Variants in CCDC40 observed in about 807,000 individuals in gnomAD.
CCDC40 encodes coiled-coil domain 40 molecular ruler complex subunit.
Under a neutral mutation model 124.5 loss-of-function variants are expected in CCDC40, and 104 were observed. The ratio of observed to expected loss-of-function variants is 0.84; its 90% CI spans 0.71 to 0.98. The LOEUF (loss-of-function observed/expected upper bound fraction) is 0.98. Ranked by LOEUF, CCDC40 falls within the 50% of genes least tolerant of loss-of-function variation. The pLI, the probability that CCDC40 is intolerant of heterozygous loss-of-function variation, is 0.00. For synonymous variants in CCDC40, 580 were observed against 602.9 expected (o/e 0.96, Z 0.56); for missense variants, 1,463 against 1,503.9 (o/e 0.97, Z 0.45).
chr17:80,056,016 A>T (rs61600199), intron 7 of CCDC40, among the ~76,000 whole-genome samples: 8,564 of 10,410 alleles, frequency 0.82, 3,619 homozygotes, highest in Non-Finnish European at 0.84. Context: ...ATATATATAT[A>T]TTTTTTTTTT....
chr17:80,091,755 A>G (rs974175133), intron 17 of CCDC40, among the ~76,000 whole-genome samples: 2 of 151,670 alleles, frequency 1.3e-5, no homozygotes, highest in Non-Finnish European at 2.9e-5. Context: ...TTATAATCAC[A>G]TCCTTCCTTA....
chr17:80,058,669 C>T lies in CCDC40; in HGVS notation c.1317+18C>T. 6.2e-7 allele frequency: 1 copy of T among 1,613,896 alleles called. No individual in the cohort carries two copies. On this transcript the variant is annotated intron_variant, in intron 8 of 19. Coordinates refer to ENST00000397545, the MANE Select transcript of CCDC40 (RefSeq NM_017950.4). The surrounding 1 kb of genome is among the most constrained non-coding windows in gnomAD (Gnocchi z 4.2). ...AAAAGCAGGTATTCTGCAAACTCGACACATGTTTAATGATCACCAGACCGT... is the reference window on the plus strand; with the variant it reads ...AAAAGCAGGTATTCTGCAAACTCGATACATGTTTAATGATCACCAGACCGT...
chr17:80,062,992 C>T (rs1003947011), intron 9 of CCDC40, among the ~76,000 whole-genome samples: 8 of 152,016 alleles, frequency 5.3e-5, no homozygotes, highest in Non-Finnish European at 7.4e-5. Flanking sequence ...GTCAGGAGTT[C>T]GAGACCAGCC....
In CCDC40 at chr17:80,066,320, C is replaced by T. The variant is rs1387298323; in HGVS notation, c.1562+714C>T. 1.4e-5 allele frequency: 8 copies of T among 583,288 alleles called. No homozygotes were observed. Among genetic ancestry groups the T allele is most frequent in the South Asian group, 2.1e-5 (1 of 47,972 alleles). 36.1% of individuals were successfully genotyped at this position (583,288 alleles called of 1,614,324 possible). ...AGGGTCTGGCTGGCCCCACAGCACC[C>T]GCAGCCAGGCAGCCAGCAGCAGTCA... On this transcript the variant is annotated intron_variant, in intron 10 of 19. Coordinates refer to ENST00000397545, the MANE Select transcript of CCDC40 (RefSeq NM_017950.4). The surrounding 1 kb of genome is among the most constrained non-coding windows in gnomAD (Gnocchi z 4.4).
At chr17:80,051,817 A>C (rs2037606050) in intron 7 of CCDC40, among the ~76,000 whole-genome samples, 1 of 152,232 alleles carries the variant, frequency 6.6e-6, no homozygotes. Flanking sequence ...CCACACCTGC[A>C]GTGAGGCTGG....
chr17:80,092,470 GTCTC>G (rs1230675513), intron 17 of CCDC40, among the ~76,000 whole-genome samples: 1 of 152,176 alleles, frequency 6.6e-6, no homozygotes, highest in African/African-American at 2.4e-5. Context: ...ACAGCCACCA[GTCTC>G]TCTCCATGCC....
chr17:80,038,097 C>T (rs1568665578), intron 1 of CCDC40, 26 bp from the exon 2 acceptor site: 1 of 1,535,598 alleles, frequency 6.5e-7, no homozygotes, highest in Non-Finnish European at 9.0e-7. Context: ...TTGCTTGAAA[C>T]TGTTCAATTG....
At chr17:80,097,689 G>T in intron 19 of CCDC40, 1 of 449,460 alleles carries the variant, frequency 2.2e-6, no homozygotes, top group Non-Finnish European at 4.1e-6. Flanking sequence ...GCTCTTAGAG[G>T]TTACCTCCTG....
At chr17:80,075,201 A>G (rs190041927) in intron 10 of CCDC40, among the ~76,000 whole-genome samples, 193 of 147,386 alleles carry the variant, frequency 1.3e-3, no homozygotes, top group African/African-American at 4.9e-3. Flanking sequence ...CTGGGATTAC[A>G]GGCATGAGCC....
chr17:80,038,144 G>A lies in CCDC40; in HGVS notation c.51G>A (p.Ser17=), dbSNP rs141650385. ...AAGRSHPEDG[S]ASEGEKEGNN... ...CCAGGTCCCATCCGGAAGATGGATC[G>A]GCTTCTGAGGGAGAGAAGGAAGGGA... Residue 17 remains serine, a synonymous_variant, in exon 2 of 20, where the codon TCG becomes TCA. Transcript: ENST00000397545. The A allele has an allele frequency of 1.4e-4, 218 of 1,611,100 alleles. No individual in the cohort carries two copies. The African/African-American group carries it at 2.3e-3, about 17-fold the overall frequency.
At chr17:80,083,883 G>A (rs2038516623) in intron 12 of CCDC40, among the ~76,000 whole-genome samples, 1 of 152,196 alleles carries the variant, frequency 6.6e-6, no homozygotes. Context: ...ATAGAGTACA[G>A]CACAGCCATT....
intron 17 of CCDC40, among the ~76,000 whole-genome samples, chr17:80,091,443 C>A (rs2038721649): frequency 6.6e-6 from 1 of 152,030 alleles, no homozygotes; most frequent in South Asian, 2.1e-4. Context: ...AATCTGCAGA[C>A]CCAGGAGAGC....
chr17:80,065,575 G>A lies in CCDC40; in HGVS notation c.1531G>A (p.Glu511Lys), dbSNP rs59978698. ...CCTGGTGGGCATGAAGCACCGCGAC[G>A]AGGCGCACAGGGCGGTGCTGGAGGC... ...SSLVGMKHRD[E>K]AHRAVLEALR... The change falls in exon 10 of 20, where the codon GAG (glutamate) becomes AAG (lysine). Residue 511 changes from glutamate to lysine, a missense_variant. Glu to Lys is a moderately conservative substitution (Grantham distance 56). Transcript: ENST00000397545. The A allele has an allele frequency of 1.2e-3, 1,907 of 1,612,864 alleles. 24 individuals are homozygous for A. The African/African-American group carries it at 0.023, about 19-fold the overall frequency.
chr17:80,058,997 C>T lies in CCDC40; in HGVS notation c.1440+17C>T. 6.2e-7 allele frequency: 1 copy of T among 1,614,210 alleles called. No homozygotes were observed. Among genetic ancestry groups the T allele is most frequent in the African/African-American group, 1.3e-5 (1 of 75,064 alleles). ...GTGAGTGAGGTAAAAGCAGTCCCCGCAGCTCTCAGTGTTCGACCCTCCAGT... is the reference window on the plus strand; with the variant it reads ...GTGAGTGAGGTAAAAGCAGTCCCCGTAGCTCTCAGTGTTCGACCCTCCAGT... On this transcript the variant is annotated intron_variant, in intron 9 of 19. Transcript: ENST00000397545. This position sits in a 1 kb window ranked among gnomAD's most constrained non-coding sequence, Gnocchi z 4.2.
At position 80,089,794 on chromosome 17, in the gene CCDC40, C is replaced by G. The variant is rs1378974009; in HGVS notation, c.2742C>G (p.Ile914Met). The G allele has an allele frequency of 3.1e-6, 5 of 1,614,112 alleles. No homozygotes were observed. In the South Asian group the frequency reaches 5.5e-5, roughly 18 times the overall value. Reference sequence around the variant, plus strand: ...AGATTATGCTTTGGGAGAAAAAAATCCAACTGGCAAAAGAGATGCGTTCCT... The same window carrying G: ...AGATTATGCTTTGGGAGAAAAAAATGCAACTGGCAAAAGAGATGCGTTCCT... ...EHQIMLWEKK[I>M]QLAKEMRSSV... Residue 914 changes from isoleucine to methionine, a missense_variant, in exon 17 of 20, where the codon ATC becomes ATG. Transcript: ENST00000397545.
chr17:80,081,577 G>A lies in CCDC40; in HGVS notation c.1594G>A (p.Gly532Ser), dbSNP rs936824026. The A allele has an allele frequency of 1.2e-5, 19 of 1,613,672 alleles. No homozygotes were observed. Among genetic ancestry groups the A allele is most frequent in the East Asian group, 2.2e-5 (1 of 44,884 alleles). The change falls in exon 11 of 20, where the codon GGC becomes AGC. Residue 532 changes from glycine to serine, a missense_variant. Coordinates refer to ENST00000397545, the MANE Select transcript of CCDC40 (RefSeq NM_017950.4). ...CCAGCATCAAGCCAAATCCACCGAC[G>A]GCGAGATTGAGGCCTATAAGAAATC... is the stretch of plus-strand genomic sequence containing the variant. ...GCQHQAKSTDGEIEAYKKSIM... is the reference protein window; with the variant it reads ...GCQHQAKSTDSEIEAYKKSIM...
intron 9 of CCDC40, 111 bp downstream of exon 9, chr17:80,059,091 G>A (rs1332980168): frequency 1.5e-6 from 2 of 1,357,410 alleles, no homozygotes; most frequent in Non-Finnish European, 2.1e-6. Context: ...ATGAGTGACT[G>A]CAGCCAGCTT....
Position 80,048,563 on chromosome 17 carries a change from G to A in CCDC40, c.677-20G>A. 6.2e-7 allele frequency: 1 copy of A among 1,605,924 alleles called. No homozygotes were observed. The highest frequency in any genetic ancestry group is 8.5e-7 in the Non-Finnish European group (1 of 1,173,942). ...TTCTCTCCAGCAGCTCCTCAATGGT[G>A]TCGCTGTCTCTCCCCCCAGTGATCC... On this transcript the variant is annotated intron_variant, in intron 4 of 19. Coordinates refer to ENST00000397545, the MANE Select transcript of CCDC40 (RefSeq NM_017950.4).
At chr17:80,061,436 G>T (rs1438450775) in intron 9 of CCDC40, among the ~76,000 whole-genome samples, 3 of 152,150 alleles carry the variant, frequency 2.0e-5, no homozygotes, top group African/African-American at 7.2e-5. Flanking sequence ...AGATGAAGGC[G>T]GGGAGACAGG....
Sources: allele counts gnomAD v4.1 joint callset (sites outside exome capture counted in the v4.1 genomes callset), GRCh38; gene constraint gnomAD v4.1.1; non-coding constraint Gnocchi (gnomAD v3.1); transcripts MANE v1.5; gene names NCBI Gene and HGNC (gene_info 2026-07-23, HGNC 2026-07-21).